Variants in AGBL1 observed in about 807,000 individuals in gnomAD.
The protein encoded by AGBL1 is AGBL carboxypeptidase 1, also known as cytosolic carboxypeptidase 4.
A neutral mutation model predicts 118.9 loss-of-function variants in AGBL1; 130 were observed. That is an observed-to-expected ratio of 1.09 (90% CI 0.95 to 1.26). The LOEUF (loss-of-function observed/expected upper bound fraction) is 1.26. Among genes scored for constraint, AGBL1 ranks in the 50% most tolerant of loss-of-function variants. AGBL1 has a pLI of 0.00. For missense variants in AGBL1, 1,584 were observed against 1,298.1 expected (o/e 1.22, Z -3.38); for synonymous variants, 555 against 478.9 (o/e 1.16, Z -2.08).
intron 19 of AGBL1, among the ~76,000 whole-genome samples, chr15:86,529,694 A>G (rs1223934907): frequency 6.6e-6 from 1 of 151,156 alleles, no homozygotes; most frequent in African/African-American, 2.5e-5. Flanking sequence ...AAAAATGTTA[A>G]GAGCAGCCAG....
At position 86,779,924 on chromosome 15, in the gene AGBL1, C is replaced by T. The variant is rs572228116; in HGVS notation, c.3158+105488C>T. ...GTATGTGTTGGACACCCCCCCAACA[C>T]ACACACACACACACACACCCCTACA... On this transcript the variant is annotated intron_variant, in intron 22 of 22. Coordinates refer to ENST00000614907, the MANE Select transcript of AGBL1 (RefSeq NM_001386094.1). Among the ~76,000 whole-genome samples the T allele has an allele frequency of 3.4e-3, 354 of 104,692 alleles. 1 individual carries two copies. The highest frequency in any genetic ancestry group is 7.9e-3 in the Non-Finnish European group (305 of 38,824). 68.7% of individuals were successfully genotyped at this position (104,692 alleles called of 152,430 possible). A position where few individuals can be genotyped will look rare whatever the true frequency, so the allele number is the denominator to read the frequency against.
chr15:86,204,425 C>CTGT (rs993315559), intron 5 of AGBL1, among the ~76,000 whole-genome samples: 5 of 152,128 alleles, frequency 3.3e-5, no homozygotes, highest in Non-Finnish European at 7.4e-5. Context: ...AGCCCCCTAC[C>CTGT]TGTTATCTGT....
chr15:86,645,486 A>G (rs1023606562), intron 21 of AGBL1, among the ~76,000 whole-genome samples: 1 of 152,230 alleles, frequency 6.6e-6, no homozygotes, highest in Admixed American at 6.5e-5. Context: ...GATTTTATTT[A>G]GCATATGTAG....
chr15:86,628,778 A>G (rs1180514300), intron 21 of AGBL1, among the ~76,000 whole-genome samples: 6 of 152,122 alleles, frequency 3.9e-5, no homozygotes, highest in Non-Finnish European at 7.3e-5. Context: ...CCTGGGAGAC[A>G]GTGAGACTCC....
chr15:86,782,156 T>C (rs1484232137), intron 22 of AGBL1, among the ~76,000 whole-genome samples: 1 of 152,156 alleles, frequency 6.6e-6, no homozygotes, highest in African/African-American at 2.4e-5. Flanking sequence ...ATTTCTGTAT[T>C]ACGTTTTTAT....
At chr15:86,167,253 T>A (rs1485776611) in intron 5 of AGBL1, among the ~76,000 whole-genome samples, 1 of 151,354 alleles carries the variant, frequency 6.6e-6, no homozygotes, top group African/African-American at 2.4e-5. Flanking sequence ...ACTTTTCTTT[T>A]TTTTTTTTTT....
At chr15:86,227,832 G>A (rs2078391541) in intron 6 of AGBL1, among the ~76,000 whole-genome samples, 1 of 152,200 alleles carries the variant, frequency 6.6e-6, no homozygotes, top group Non-Finnish European at 1.5e-5. Context: ...GTACTTTGGA[G>A]GGAAACAGAT....
chr15:86,591,541 A>C (rs1179194454), intron 21 of AGBL1, among the ~76,000 whole-genome samples: 1 of 152,180 alleles, frequency 6.6e-6, no homozygotes, highest in Non-Finnish European at 1.5e-5. Context: ...GAACTCACAG[A>C]AACACTTACT....
Position 86,914,252 on chromosome 15 carries a change from C to T in AGBL1, c.*6958C>T, listed in dbSNP as rs2141607699. 2 of 152,292 alleles carry T rather than the reference C, an allele frequency of 1.3e-5. No individual in the cohort carries two copies. Among genetic ancestry groups the T allele is most frequent in the Middle Eastern group, 6.8e-3 (2 of 296 alleles). 9.4% of individuals were successfully genotyped at this position (152,292 alleles called of 1,614,324 possible). ...TATCAACCAGACCCCACCCACACTT[C>T]ATTCTGAAGAGGAAGTTATTTTGGG... On this transcript the variant is annotated 3_prime_UTR_variant, in exon 23 of 23. Coordinates refer to ENST00000614907, the MANE Select transcript of AGBL1 (RefSeq NM_001386094.1).
intron 18 of AGBL1, among the ~76,000 whole-genome samples, chr15:86,443,161 G>A (rs185883859): frequency 3.9e-5 from 6 of 152,216 alleles, no homozygotes; most frequent in East Asian, 1.9e-4. Context: ...CTCAGCCCCT[G>A]TGGCCCTTCT....
At chr15:86,723,495 G>A (rs1198752152) in intron 22 of AGBL1, among the ~76,000 whole-genome samples, 1 of 152,058 alleles carries the variant, frequency 6.6e-6, no homozygotes, top group African/African-American at 2.4e-5. Flanking sequence ...TCACACACCG[G>A]GGACTATTGT....
At chr15:86,461,163 T>C (rs2142085487) in intron 18 of AGBL1, among the ~76,000 whole-genome samples, 1 of 152,272 alleles carries the variant, frequency 6.6e-6, no homozygotes, top group Middle Eastern at 3.4e-3. Flanking sequence ...GATCAGGGAC[T>C]TTAAAGGCCC....
chr15:86,393,325 A>G (rs2081315323), intron 17 of AGBL1, among the ~76,000 whole-genome samples: 1 of 152,220 alleles, frequency 6.6e-6, no homozygotes, highest in African/African-American at 2.4e-5. Flanking sequence ...ATGGAAGCCA[A>G]CTGGCCCAGA....
intron 1 of AGBL1, among the ~76,000 whole-genome samples, chr15:86,092,278 T>C (rs1896083169): frequency 1.3e-5 from 2 of 152,202 alleles, no homozygotes; most frequent in South Asian, 4.1e-4. Context: ...TGCCATGTGA[T>C]TGTTTGAGTA....
At chr15:86,416,003 G>C (rs1007310062) in intron 18 of AGBL1, among the ~76,000 whole-genome samples, 4 of 151,836 alleles carry the variant, frequency 2.6e-5, no homozygotes, top group Admixed American at 6.6e-5. Context: ...TCTTAGCCTT[G>C]GACAAAGAGG....
chr15:86,936,621 C>T (rs948786675), intron 23 of AGBL1, among the ~76,000 whole-genome samples: 8 of 152,176 alleles, frequency 5.3e-5, no homozygotes, highest in African/African-American at 1.7e-4. Flanking sequence ...GAAGCTGGAC[C>T]TCTTCCTTAT....
At chr15:87,002,943 C>G (rs1596728436) in intron 24 of AGBL1, among the ~76,000 whole-genome samples, 1 of 152,258 alleles carries the variant, frequency 6.6e-6, no homozygotes, top group East Asian at 1.9e-4. Flanking sequence ...ATTTGACTTC[C>G]TCTTTTCCTA....
chr15:86,986,078 C>T (rs1167439245), intron 23 of AGBL1, among the ~76,000 whole-genome samples: 1 of 152,058 alleles, frequency 6.6e-6, no homozygotes, highest in Non-Finnish European at 1.5e-5. Context: ...TGCCTGCCAC[C>T]ATGCCCGGCT....
At chr15:86,269,831 C>A in intron 13 of AGBL1, 88 bp from the exon 14 acceptor site, 1 of 1,456,084 alleles carries the variant, frequency 6.9e-7, no homozygotes. Flanking sequence ...ATCTGTAACC[C>A]AGAAACTGAA....
Sources: gnomAD v4.1 joint callset for allele counts (sites outside exome capture counted in the v4.1 genomes callset) on GRCh38, gnomAD v4.1.1 for gene constraint, MANE v1.5 for transcripts, NCBI Gene and HGNC (gene_info 2026-07-23, HGNC 2026-07-21) for gene names.